Variants in ZBTB7C observed in about 807,000 individuals in gnomAD.
ZBTB7C encodes zinc finger and BTB domain-containing protein 7C.
ZBTB7C carries 8 observed loss-of-function variants against 25.7 expected under a neutral mutation model. The ratio of observed to expected loss-of-function variants is 0.31; its 90% CI spans 0.18 to 0.56. ZBTB7C has a LOEUF of 0.56. Among genes scored for constraint, ZBTB7C ranks in the 20% least tolerant of loss-of-function variants. The probability of loss-of-function intolerance (pLI) is 0.91; values close to 1 mark genes in which losing one functional copy is unlikely to be tolerated. For synonymous variants in ZBTB7C, 394 were observed against 369.0 expected, an observed-to-expected ratio of 1.07 and a Z score of -0.78; for missense variants, 824 against 855.2, an observed-to-expected ratio of 0.96 and a Z score of 0.46.
intron 1 of ZBTB7C, among the ~76,000 whole-genome samples, chr18:48,339,238 T>TG (rs1156347476): frequency 6.6e-6 from 1 of 152,214 alleles, no homozygotes; most frequent in African/African-American, 2.4e-5. Context: ...AGTAGGCTCC[T>TG]GGGGTACCCA....
intron 1 of ZBTB7C, among the ~76,000 whole-genome samples, chr18:48,392,644 A>C (rs1243552809): frequency 6.6e-6 from 1 of 152,184 alleles, no homozygotes; most frequent in East Asian, 1.9e-4. Flanking sequence ...CTTTTACCAG[A>C]ATCTCTCCCC....
chr18:48,184,890 A>G (rs140056598), intron 3 of ZBTB7C, among the ~76,000 whole-genome samples: 2,137 of 152,114 alleles, frequency 0.014, 26 homozygotes, highest in Admixed American at 0.028. Context: ...AGTATCTCCA[A>G]TGCAGATTTC....
chr18:48,215,223 G>C (rs945477678), intron 2 of ZBTB7C, among the ~76,000 whole-genome samples: 2 of 152,140 alleles, frequency 1.3e-5, no homozygotes, highest in African/African-American at 4.8e-5. Context: ...CGGTCCACTT[G>C]GGGTAGACTC....
intron 3 of ZBTB7C, among the ~76,000 whole-genome samples, chr18:48,095,898 C>T (rs1598870071): frequency 1.3e-5 from 2 of 152,212 alleles, no homozygotes; most frequent in South Asian, 2.1e-4. Context: ...TGATAAACAG[C>T]TGGTAACCTC....
At chr18:48,078,212 G>A (rs1212383326) in intron 3 of ZBTB7C, among the ~76,000 whole-genome samples, 1 of 152,210 alleles carries the variant, frequency 6.6e-6, no homozygotes, top group East Asian at 1.9e-4. Flanking sequence ...TAATTCTCAA[G>A]CTCCTGCAAT....
chr18:48,177,531 A>G (rs1471770458), intron 3 of ZBTB7C, among the ~76,000 whole-genome samples: 1 of 152,162 alleles, frequency 6.6e-6, no homozygotes, highest in Non-Finnish European at 1.5e-5. Context: ...AAAAGGAACT[A>G]TAATTCCTGG....
At chr18:48,086,374 A>G (rs990626771) in intron 3 of ZBTB7C, among the ~76,000 whole-genome samples, 9 of 152,324 alleles carry the variant, frequency 5.9e-5, no homozygotes, top group Middle Eastern at 6.8e-3. Context: ...AGGAGATGGT[A>G]GAGTTGAAAC....
intron 2 of ZBTB7C, among the ~76,000 whole-genome samples, chr18:48,333,936 A>G (rs1001221473): frequency 1.3e-5 from 2 of 152,192 alleles, no homozygotes; most frequent in African/African-American, 4.8e-5. Flanking sequence ...CCCTGATTCC[A>G]GTGCAGCTTA....
intron 2 of ZBTB7C, among the ~76,000 whole-genome samples, chr18:48,208,952 G>T (rs970508738): frequency 2.0e-5 from 3 of 152,200 alleles, no homozygotes; most frequent in Admixed American, 2.0e-4. Flanking sequence ...GCTCACTGTT[G>T]CTGTACTCCA....
chr18:48,098,796 T>G (rs2038730703), intron 3 of ZBTB7C, among the ~76,000 whole-genome samples: 1 of 152,200 alleles, frequency 6.6e-6, no homozygotes, highest in African/African-American at 2.4e-5. Context: ...ATCCTAAGGT[T>G]TGACCTTACA....
chr18:48,288,652 G>A (rs534699089), intron 2 of ZBTB7C, among the ~76,000 whole-genome samples: 310 of 152,224 alleles, frequency 2.0e-3, no homozygotes, highest in Non-Finnish European at 3.5e-3. Context: ...GTGAAACTCC[G>A]TCTCTAAATA....
At chr18:48,331,024 A>G (rs2144909893) in intron 2 of ZBTB7C, among the ~76,000 whole-genome samples, 1 of 152,282 alleles carries the variant, frequency 6.6e-6, no homozygotes, top group African/African-American at 2.4e-5. Context: ...TGGCCTTTGC[A>G]CACCACCCCA....
intron 3 of ZBTB7C, among the ~76,000 whole-genome samples, chr18:48,127,185 C>T (rs139898200): frequency 2.6e-4 from 39 of 152,274 alleles, no homozygotes; most frequent in East Asian, 1.4e-3. Context: ...TCCAAGGCCA[C>T]GGAGCCTGCA....
intron 2 of ZBTB7C, among the ~76,000 whole-genome samples, chr18:48,228,997 G>A (rs960627129): frequency 6.6e-6 from 1 of 152,090 alleles, no homozygotes; most frequent in Non-Finnish European, 1.5e-5. Context: ...ACATAAGCAC[G>A]GCAGGATTGT....
chr18:48,294,176 A>G (rs973772605), intron 2 of ZBTB7C, among the ~76,000 whole-genome samples: 1 of 152,156 alleles, frequency 6.6e-6, no homozygotes, highest in Non-Finnish European at 1.5e-5. Flanking sequence ...GGACTAGGCA[A>G]TCAGCAGGTG....
chr18:48,048,334 G>C (rs1489102050), intron 3 of ZBTB7C, among the ~76,000 whole-genome samples: 1 of 152,194 alleles, frequency 6.6e-6, no homozygotes, highest in Non-Finnish European at 1.5e-5. Context: ...AATGGATCTG[G>C]AGAGCTTTAA....
chr18:48,220,847 A>G (rs1397887306), intron 2 of ZBTB7C, among the ~76,000 whole-genome samples: 1 of 152,064 alleles, frequency 6.6e-6, no homozygotes, highest in Non-Finnish European at 1.5e-5. Flanking sequence ...TCTCCCTTGC[A>G]CACTCCCTAC....
intron 3 of ZBTB7C, among the ~76,000 whole-genome samples, chr18:48,117,294 C>T (rs922200951): frequency 2.0e-5 from 3 of 152,176 alleles, no homozygotes; most frequent in Admixed American, 6.5e-5. Flanking sequence ...CTAGAATCTA[C>T]AGCCGAGGTG....
chr18:48,032,105 T>C (rs2035775596), intron 4 of ZBTB7C, among the ~76,000 whole-genome samples: 1 of 151,934 alleles, frequency 6.6e-6, no homozygotes, highest in Non-Finnish European at 1.5e-5. Context: ...ATGAGGTAGG[T>C]TTTTTTATTT....
Sources: allele counts gnomAD v4.1 joint callset (sites outside exome capture counted in the v4.1 genomes callset), GRCh38; gene constraint gnomAD v4.1.1; transcripts MANE v1.5; gene names NCBI Gene and HGNC (gene_info 2026-07-23, HGNC 2026-07-21).